IMMP2L: variants seen among roughly 807,000 people sequenced by gnomAD.
IMMP2L encodes the protein inner mitochondrial membrane peptidase subunit 2, also known as mitochondrial inner membrane protease subunit 2.
IMMP2L carries 18 observed loss-of-function variants against 19.3 expected under a neutral mutation model. The observed-to-expected ratio is 0.93, with a 90% CI of 0.64 to 1.38. The LOEUF (loss-of-function observed/expected upper bound fraction) is 1.38, where lower values mean the gene tolerates loss of function less well. Among genes scored for constraint, IMMP2L ranks in the 40% most tolerant of loss-of-function variants. The probability of loss-of-function intolerance (pLI) is 0.00; values close to 1 mark genes in which losing one functional copy is unlikely to be tolerated. For missense variants in IMMP2L, 233 were observed against 218.2 expected (o/e 1.07, Z -0.43); for synonymous variants, 76 against 73.0 (o/e 1.04, Z -0.21).
chr7:111,220,394 A>G (rs1812382985), intron 3 of IMMP2L, among the ~76,000 whole-genome samples: 2 of 152,108 alleles, frequency 1.3e-5, no homozygotes, highest in South Asian at 4.1e-4. Context: ...GTGTTTCTGA[A>G]TATGTAAAAT....
intron 3 of IMMP2L, among the ~76,000 whole-genome samples, chr7:111,251,095 A>G (rs1235768712): frequency 1.3e-5 from 2 of 152,216 alleles, no homozygotes; most frequent in African/African-American, 4.8e-5. Flanking sequence ...AAAGGACATG[A>G]ACAGACACTT....
At chr7:110,714,250 A>G (rs537859329) in intron 5 of IMMP2L, among the ~76,000 whole-genome samples, 2 of 152,302 alleles carry the variant, frequency 1.3e-5, no homozygotes, top group African/African-American at 4.8e-5. Flanking sequence ...ATGTTGAACC[A>G]AACTTGCATC....
At chr7:110,722,806 G>T (rs959243359) in intron 5 of IMMP2L, among the ~76,000 whole-genome samples, 1 of 152,084 alleles carries the variant, frequency 6.6e-6, no homozygotes, top group Non-Finnish European at 1.5e-5. Context: ...AATTACCAGA[G>T]AATACAGATG....
At chr7:111,019,791 T>C (rs1826090445) in intron 3 of IMMP2L, among the ~76,000 whole-genome samples, 1 of 152,072 alleles carries the variant, frequency 6.6e-6, no homozygotes, top group African/African-American at 2.4e-5. Context: ...CACTGTTTAT[T>C]ATACCCAGAA....
At chr7:110,826,224 T>C (rs1732618921) in intron 5 of IMMP2L, among the ~76,000 whole-genome samples, 3 of 152,164 alleles carry the variant, frequency 2.0e-5, no homozygotes, top group Admixed American at 1.3e-4. Context: ...CAGGAACACT[T>C]TTACACTGTT....
chr7:111,163,529 T>C (rs1805492520), intron 3 of IMMP2L, among the ~76,000 whole-genome samples: 2 of 152,120 alleles, frequency 1.3e-5, no homozygotes, highest in African/African-American at 2.4e-5. Flanking sequence ...TGGAAGTTAG[T>C]CTCAATTCTG....
intron 3 of IMMP2L, among the ~76,000 whole-genome samples, chr7:111,406,562 C>T (rs902272805): frequency 6.6e-6 from 1 of 152,002 alleles, no homozygotes; most frequent in Admixed American, 6.6e-5. Flanking sequence ...CTGGTCACTC[C>T]CCACATGGTC....
chr7:111,211,102 C>G (rs1040684380), intron 3 of IMMP2L, among the ~76,000 whole-genome samples: 3 of 151,964 alleles, frequency 2.0e-5, no homozygotes, highest in African/African-American at 4.8e-5. Context: ...CCATAAAGTA[C>G]AAGAAGAAAT....
At chr7:110,829,142 G>C (rs1803744700) in intron 5 of IMMP2L, among the ~76,000 whole-genome samples, 1 of 152,086 alleles carries the variant, frequency 6.6e-6, no homozygotes, top group African/African-American at 2.4e-5. Flanking sequence ...TAGGAGAGCA[G>C]AAATTCAAAA....
At chr7:110,996,152 C>G (rs931357257) in intron 3 of IMMP2L, among the ~76,000 whole-genome samples, 2 of 152,098 alleles carry the variant, frequency 1.3e-5, no homozygotes, top group Admixed American at 6.6e-5. Context: ...AGTGCTATGA[C>G]AAGTCAAAAT....
intron 3 of IMMP2L, among the ~76,000 whole-genome samples, chr7:111,137,697 C>T (rs1802481685): frequency 6.6e-6 from 1 of 152,176 alleles, no homozygotes; most frequent in Admixed American, 6.5e-5. Flanking sequence ...GGTATTTCAA[C>T]AGCTCTAACA....
At chr7:111,150,642 CTCA>C (rs1803970029) in intron 3 of IMMP2L, among the ~76,000 whole-genome samples, 1 of 152,102 alleles carries the variant, frequency 6.6e-6, no homozygotes, top group Admixed American at 6.6e-5. Context: ...ACTCAAAATA[CTCA>C]TTACTATAGA....
At chr7:111,051,666 A>G (rs2129572982) in intron 3 of IMMP2L, among the ~76,000 whole-genome samples, 1 of 152,334 alleles carries the variant, frequency 6.6e-6, no homozygotes, top group Admixed American at 6.5e-5. Context: ...CAAACAAAAA[A>G]TGGATTCATT....
intron 3 of IMMP2L, among the ~76,000 whole-genome samples, chr7:111,224,761 A>C (rs527819177): frequency 1.1e-4 from 17 of 152,222 alleles, no homozygotes; most frequent in African/African-American, 4.1e-4. Context: ...AGATGATATG[A>C]AAGCACTGGT....
intron 3 of IMMP2L, among the ~76,000 whole-genome samples, chr7:111,067,304 T>C (rs1794596480): frequency 6.6e-6 from 1 of 152,222 alleles, no homozygotes; most frequent in Non-Finnish European, 1.5e-5. Context: ...AACTTTGTAG[T>C]TGGCTTAAAC....
At position 110,999,607 on chromosome 7, in the gene IMMP2L, TAA is replaced by T. The variant is rs150912208; in HGVS notation, c.240-36044_240-36043del. The stretch of plus-strand genomic sequence containing the variant: ...AACACTTCTAAATATTTTCGATGAA[TAA>T]AAAAAAAAAAAAAACCAAGATACGT... On this transcript the variant is annotated intron_variant, in intron 3 of 5. Coordinates refer to ENST00000405709, the MANE Select transcript of IMMP2L (RefSeq NM_032549.4). 7.6e-5 allele frequency among the ~76,000 whole-genome samples: 10 copies of T among 132,274 alleles called. No individual in the cohort carries two copies. The South Asian group carries it at 9.7e-4, about 13-fold the overall frequency. 86.8% of individuals were successfully genotyped at this position (132,274 alleles called of 152,430 possible). A position where few individuals can be genotyped will look rare whatever the true frequency, so the allele number is the denominator to read the frequency against.
intron 3 of IMMP2L, among the ~76,000 whole-genome samples, chr7:111,455,431 T>G (rs1044137992): frequency 4.6e-5 from 7 of 152,108 alleles, no homozygotes; most frequent in African/African-American, 1.7e-4. Flanking sequence ...TCACTAAAAG[T>G]ATGACTTTTG....
At chr7:110,782,322 G>A (rs1045535829) in intron 5 of IMMP2L, among the ~76,000 whole-genome samples, 2 of 151,858 alleles carry the variant, frequency 1.3e-5, no homozygotes, top group African/African-American at 4.8e-5. Context: ...AATAACAGTA[G>A]GGGAAAAAAT....
intron 3 of IMMP2L, among the ~76,000 whole-genome samples, chr7:111,136,990 T>A (rs542401090): frequency 6.6e-6 from 1 of 152,306 alleles, no homozygotes; most frequent in African/African-American, 2.4e-5. Flanking sequence ...GGTGGTTAGC[T>A]TGCTGTTGAA....
Sources: gnomAD v4.1 joint callset for allele counts (sites outside exome capture counted in the v4.1 genomes callset) on GRCh38, gnomAD v4.1.1 for gene constraint, MANE v1.5 for transcripts, NCBI Gene and HGNC (gene_info 2026-07-23, HGNC 2026-07-21) for gene names.